The following ZMAT1 variants were observed in gnomAD, a reference collection of about 807,000 sequenced individuals.
ZMAT1 encodes zinc finger matrin-type 1.
In ZMAT1, 11 loss-of-function variants were observed where a neutral mutation model predicts 18.5. The observed-to-expected ratio is 0.59, with a 90% CI of 0.37 to 0.98. The LOEUF (loss-of-function observed/expected upper bound fraction) is 0.98, where lower values mean the gene tolerates loss of function less well. Ranked by LOEUF, ZMAT1 falls within the 50% of genes least tolerant of loss-of-function variation. ZMAT1 has a pLI of 0.01. For synonymous variants in ZMAT1, 211 were observed against 176.4 expected, an observed-to-expected ratio of 1.20 and a Z score of -1.55; for missense variants, 525 against 496.2, an observed-to-expected ratio of 1.06 and a Z score of -0.55.
At chrX:101,901,489 A>G (rs1428222312) in intron 2 of ZMAT1, among the ~76,000 whole-genome samples, 1 of 111,434 alleles carries the variant, frequency 9.0e-6, no homozygotes, top group East Asian at 2.8e-4. Flanking sequence ...AAATATACCC[A>G]TTGTATAGGA....
In ZMAT1 at chrX:101,931,950, G is replaced by A; in HGVS notation, c.59C>T (p.Ala20Val). 1.3e-6 allele frequency: 1 copy of A among 777,463 alleles called. No homozygotes were observed. The highest frequency in any genetic ancestry group is 1.5e-6 in the Non-Finnish European group (1 of 655,555). The allele number at this position is 777,463 out of a possible 1,213,427, so 64.1% of individuals were successfully genotyped here. ...GGAGGAGGAGGCGGCAGAGACGGTA[G>A]CTTCCTGAGGGGAAGACTCCGCCGC... is the stretch of plus-strand genomic sequence containing the variant. ...PLAAESSPQE[A>V]TVSAASSSSY... is the part of the protein sequence containing the mutation. The change falls in exon 1 of 6, where the codon GCT (alanine) becomes GTT (valine). Residue 20 changes from alanine (A) to valine (V), a missense_variant. By Grantham distance (64) the Ala-to-Val change is moderately conservative. Transcript: ENST00000651725.
At chrX:101,896,952 C>T (rs942642519) in intron 4 of ZMAT1, among the ~76,000 whole-genome samples, 1 of 109,723 alleles carries the variant, frequency 9.1e-6, no homozygotes, top group Non-Finnish European at 1.9e-5. Flanking sequence ...GCTGGTAGTA[C>T]TTCTTATTTA....
Position 101,931,709 on chromosome X carries a change from G to A in ZMAT1, c.292+8C>T, listed in dbSNP as rs1174255314. ...GGGCCGCCCCCGCACCCCGGGACGG[G>A]AACTCACCTTCTCTGAGGCAAGGGC... On this transcript the variant is annotated splice_region_variant and intron_variant, in intron 1 of 5. Transcript: ENST00000651725. The A allele has an allele frequency of 1.3e-6, 1 of 758,158 alleles. No homozygotes were observed. Among genetic ancestry groups the A allele is most frequent in the East Asian group, 1.5e-4 (1 of 6,592 alleles). The allele number at this position is 758,158 out of a possible 1,213,427, so 62.5% of individuals were successfully genotyped here.
At chrX:101,927,800 G>T (rs1233741139) in intron 1 of ZMAT1, among the ~76,000 whole-genome samples, 4 of 111,890 alleles carry the variant, frequency 3.6e-5, no homozygotes, top group Non-Finnish European at 3.8e-5. Context: ...CTGCAAGGCT[G>T]GTTTCAGATG....
At chrX:101,931,637 G>A (rs1930498139) in intron 1 of ZMAT1, 80 bp downstream of exon 1, 9 of 730,595 alleles carry the variant, frequency 1.2e-5, no homozygotes, top group Non-Finnish European at 1.5e-5. Flanking sequence ...GGCGAACCGC[G>A]CCCAGCCCAA....
chrX:101,905,120 G>A (rs752896311), intron 1 of ZMAT1, among the ~76,000 whole-genome samples: 2 of 112,109 alleles, frequency 1.8e-5, no homozygotes, highest in Non-Finnish European at 3.8e-5. Context: ...CAAGAAACAT[G>A]AAGCTATGCC....
intron 1 of ZMAT1, 136 bp downstream of exon 1, chrX:101,931,581 G>A: frequency 1.5e-6 from 1 of 688,261 alleles, no homozygotes; most frequent in Non-Finnish European, 1.7e-6. Context: ...GCGGGGCGGG[G>A]CGAGCTTGGC....
intron 1 of ZMAT1, among the ~76,000 whole-genome samples, chrX:101,927,861 G>C (rs1342418547): frequency 8.9e-6 from 1 of 112,001 alleles, no homozygotes. Context: ...ATATAGTAGG[G>C]GGTATGCTTA....
chrX:101,923,587 C>T lies in ZMAT1; in HGVS notation c.292+8130G>A, dbSNP rs1046507633. The stretch of plus-strand genomic sequence containing the variant: ...CCCAATATTTCTTCTCTTAATCTTC[C>T]ATTATCTTTATTTTCTTGTCTATGT... On this transcript the variant is annotated intron_variant, in intron 1 of 5. Transcript: ENST00000651725. Among the ~76,000 whole-genome samples the T allele has an allele frequency of 1.2e-4, 13 of 111,691 alleles. 2 individuals are homozygous for T. Among genetic ancestry groups the T allele is most frequent in the Admixed American group, 1.1e-3 (12 of 10,474 alleles).
chrX:101,885,952 A>C (rs1376877522), intron 5 of ZMAT1, among the ~76,000 whole-genome samples: 2 of 111,768 alleles, frequency 1.8e-5, no homozygotes, highest in Non-Finnish European at 3.8e-5. Flanking sequence ...TTACAGGCAT[A>C]AGCCACCAGG....
Position 101,904,322 on chromosome X carries a change from A to C in ZMAT1, c.301T>G (p.Trp101Gly). 2.5e-6 allele frequency: 3 copies of C among 1,194,634 alleles called. No homozygotes were observed. The highest frequency in any genetic ancestry group is 1.1e-6 in the Non-Finnish European group (1 of 885,801). Residue 101 changes from tryptophan (W) to glycine (G), a missense_variant, in exon 2 of 6, where the codon TGG (tryptophan) becomes GGG (glycine). Transcript: ENST00000651725. The part of the protein sequence containing the change: ...TRPCLREDAI[W>G]NEQEKAELFT... ...AGTTCAGCCTTTTCCTGTTCATTCC[A>C]AATGGCGTCTGTGAATAAAAAAGGG...
rs1272116276 is a variant in ZMAT1, at chrX:101,929,437, A to ATTCTATATATATAGAT, written c.292+2279_292+2280insATCTATATATATAGAA. ...ATAGAGAGAGATTATATATATATAT[A>ATTCTATATATATAGAT]TATATATATATATATATATACACAC... On this transcript the variant is annotated intron_variant, in intron 1 of 5. Coordinates refer to ENST00000651725, the MANE Select transcript of ZMAT1 (RefSeq NM_001394560.1). Among the ~76,000 whole-genome samples the ATTCTATATATATAGAT allele has an allele frequency of 9.0e-3, 732 of 80,916 alleles. 29 individuals carry two copies. The highest frequency in any genetic ancestry group is 0.039 in the African/African-American group (689 of 17,696). The allele number at this position is 80,916 out of a possible 115,157, so 70.3% of individuals were successfully genotyped here. A position where few individuals can be genotyped will look rare whatever the true frequency, so the allele number is the denominator to read the frequency against.
intron 1 of ZMAT1, among the ~76,000 whole-genome samples, chrX:101,924,687 G>T (rs750958268): frequency 8.9e-6 from 1 of 111,933 alleles, no homozygotes; most frequent in Admixed American, 9.5e-5. Flanking sequence ...TTACTAGATG[G>T]TCCCATTTAT....
intron 4 of ZMAT1, among the ~76,000 whole-genome samples, chrX:101,893,043 T>C (rs1927532455): frequency 1.8e-5 from 2 of 111,825 alleles, no homozygotes; most frequent in African/African-American, 3.2e-5. Flanking sequence ...AGAGCCAAGG[T>C]AGGGTTGAAA....
chrX:101,887,207 C>T, intron 4 of ZMAT1: 4 of 747,614 alleles, frequency 5.4e-6, no homozygotes, highest in Non-Finnish European at 6.3e-6. Context: ...CCTGAGATCA[C>T]TGCAGTGCCT....
intron 4 of ZMAT1, chrX:101,889,324 A>G (rs1467848528): frequency 3.6e-5 from 4 of 110,731 alleles, no homozygotes; most frequent in Non-Finnish European, 7.6e-5. Flanking sequence ...TTCTGCTCTC[A>G]GCCCTTCTAG....
chrX:101,920,104 A>G (rs1303011737), intron 1 of ZMAT1, among the ~76,000 whole-genome samples: 1 of 107,858 alleles, frequency 9.3e-6, no homozygotes, highest in Non-Finnish European at 1.9e-5. Context: ...CAGTGGCGCA[A>G]TCATGGCTCA....
At chrX:101,894,981 T>G (rs914620005) in intron 4 of ZMAT1, 39 of 555,190 alleles carry the variant, frequency 7.0e-5, no homozygotes, top group Non-Finnish European at 7.8e-5. Flanking sequence ...GTCTCTTTAC[T>G]GTGCCTGAAT....
chrX:101,896,063 A>T lies in ZMAT1; in HGVS notation c.676+1805T>A, dbSNP rs769131360. 2.7e-5 allele frequency among the ~76,000 whole-genome samples: 3 copies of T among 111,797 alleles called. No homozygotes were observed. In the South Asian group the frequency reaches 1.1e-3, roughly 42 times the overall value. On this transcript the variant is annotated intron_variant, in intron 4 of 5. Coordinates refer to ENST00000651725, the MANE Select transcript of ZMAT1 (RefSeq NM_001394560.1). ...AAGAATTTCCTTCTGTGAGAATGGA[A>T]GTGTGAATATGAATTTGTCACCAAG...
Sources: gnomAD v4.1 joint callset for allele counts (sites outside exome capture counted in the v4.1 genomes callset) on GRCh38, gnomAD v4.1.1 for gene constraint, MANE v1.5 for transcripts, NCBI Gene and HGNC (gene_info 2026-07-23, HGNC 2026-07-21) for gene names.